Variants in ATR observed in about 807,000 individuals in gnomAD.
ATR encodes the protein serine/threonine-protein kinase ATR.
A neutral mutation model predicts 305.3 loss-of-function variants in ATR; 142 were observed. The observed-to-expected ratio is 0.47, with a 90% CI of 0.41 to 0.53. ATR has a LOEUF of 0.53. Ranked by LOEUF, ATR falls within the 20% of genes least tolerant of loss-of-function variation. The pLI, the probability that ATR is intolerant of heterozygous loss-of-function variation, is 0.00. For missense variants in ATR, 2,135 were observed against 3,133.1 expected, an observed-to-expected ratio of 0.68 and a Z score of 7.60; for synonymous variants, 1,050 against 1,068.1, an observed-to-expected ratio of 0.98 and a Z score of 0.33.
At position 142,519,577 on chromosome 3, in the gene ATR, G is replaced by A. The variant is rs2033053941; in HGVS notation, c.4382+92C>T. On this transcript the variant is annotated intron_variant, in intron 24 of 46. Coordinates refer to ENST00000350721, the MANE Select transcript of ATR (RefSeq NM_001184.4). ...AGCCTCCCAAAGTGCTGGGATTACA[G>A]GCGTGAGCCACTGCACCCGGCCAAA... 3.0e-6 allele frequency: 3 copies of A among 1,007,356 alleles called. No individual in the cohort carries two copies. The South Asian group carries it at 4.2e-5, about 14-fold the overall frequency. The allele number at this position is 1,007,356 out of a possible 1,614,324, so 62.4% of individuals were successfully genotyped here.
At chr3:142,561,513 T>C in intron 4 of ATR, 92 bp from the exon 5 acceptor site, 2 of 1,339,562 alleles carry the variant, frequency 1.5e-6, no homozygotes, top group South Asian at 1.3e-5. Context: ...ATGTTAGGTG[T>C]TTTCTAGTGA....
chr3:142,470,468 C>T (rs1032076661), intron 36 of ATR, among the ~76,000 whole-genome samples: 2 of 152,152 alleles, frequency 1.3e-5, no homozygotes, highest in East Asian at 1.9e-4. Context: ...ATACTTCTTT[C>T]AATTTTTCCT....
intron 46 of ATR, chr3:142,452,363 C>T: frequency 2.0e-6 from 2 of 986,770 alleles, no homozygotes; most frequent in Non-Finnish European, 2.4e-6. Context: ...AATCCTCAAT[C>T]TATTCTAACT....
At chr3:142,550,982 T>C (rs1416362332) in intron 13 of ATR, among the ~76,000 whole-genome samples, 1 of 152,162 alleles carries the variant, frequency 6.6e-6, no homozygotes, top group East Asian at 1.9e-4. Context: ...ACATGGGGTT[T>C]CACCATGCTA....
At chr3:142,497,672 C>G (rs949957903) in intron 32 of ATR, among the ~76,000 whole-genome samples, 3 of 151,752 alleles carry the variant, frequency 2.0e-5, no homozygotes, top group African/African-American at 7.3e-5. Context: ...CCTAATTAAA[C>G]TGGAGAATGA....
chr3:142,547,874 G>A lies in ATR; in HGVS notation c.3208C>T (p.Gln1070Ter), dbSNP rs2108451694. Residue 1070 changes from glutamine to a stop codon, truncating the protein, a stop_gained, in exon 16 of 47, where the codon CAA (glutamine) becomes TAA (stop). Transcript: ENST00000350721. LOFTEE classifies it high-confidence loss of function. ...TEIELGSLLR[Q>*]DFQGLHNELL... ...TCATTATGCAATCCTTGGAAATCTT[G>A]TCTCAACAGGCTCCCCAGTTCAATT... 6.2e-7 allele frequency: 1 copy of A among 1,613,922 alleles called. No individual in the cohort carries two copies. The highest frequency in any genetic ancestry group is 8.5e-7 in the Non-Finnish European group (1 of 1,179,936).
At chr3:142,464,131 A>G (rs1454088593) in intron 41 of ATR, among the ~76,000 whole-genome samples, 2 of 152,112 alleles carry the variant, frequency 1.3e-5, no homozygotes, top group South Asian at 2.1e-4. Flanking sequence ...TTATCTATTT[A>G]TTTATTTATA....
chr3:142,546,738 G>A (rs1173050940), intron 16 of ATR, among the ~76,000 whole-genome samples: 2 of 152,166 alleles, frequency 1.3e-5, no homozygotes, highest in Non-Finnish European at 2.9e-5. Flanking sequence ...TGCCACGCAG[G>A]AAAGAATGGC....
At chr3:142,451,818 G>A (rs1337805940) in intron 46 of ATR, 7 of 1,280,056 alleles carry the variant, frequency 5.5e-6, no homozygotes, top group African/African-American at 1.5e-5. Flanking sequence ...TATAGCTTGA[G>A]TGTGATCCTG....
intron 30 of ATR, among the ~76,000 whole-genome samples, chr3:142,501,165 G>A (rs953760103): frequency 8.1e-4 from 123 of 152,010 alleles, no homozygotes; most frequent in African/African-American, 2.8e-3. Flanking sequence ...GAATATTGAC[G>A]CATGCCTTTT....
intron 1 of ATR, among the ~76,000 whole-genome samples, chr3:142,578,131 A>T (rs951695074): frequency 6.6e-6 from 1 of 152,298 alleles, no homozygotes; most frequent in East Asian, 1.9e-4. Context: ...CAAAGAAAAA[A>T]ACTGCCTTTT....
At chr3:142,561,461 A>G (rs1437025350) in intron 4 of ATR, 40 bp from the exon 5 acceptor site, 1 of 1,546,330 alleles carries the variant, frequency 6.5e-7, no homozygotes, top group Non-Finnish European at 8.8e-7. Flanking sequence ...TATTCCTTAG[A>G]AAATATATTT....
rs71153972 is a variant in ATR, at chr3:142,544,621, C to CAAAAAAA, written c.3358-1871_3358-1865dup. Among the ~76,000 whole-genome samples the CAAAAAAA allele has an allele frequency of 2.3e-3, 195 of 83,578 alleles. 1 individual carries two copies. The highest frequency in any genetic ancestry group is 3.6e-3 in the Non-Finnish European group (147 of 41,202). 54.8% of individuals were successfully genotyped at this position (83,578 alleles called of 152,430 possible). The stretch of plus-strand genomic sequence containing the variant: ...TTTATGTACAGGCAGAAGAAAGGAG[C>CAAAAAAA]AAAAAAAAAAAAAAAAAAAAATGAG... On this transcript the variant is annotated intron_variant, in intron 16 of 46. Coordinates refer to ENST00000350721, the MANE Select transcript of ATR (RefSeq NM_001184.4).
chr3:142,578,082 AG>A (rs2035498489), intron 1 of ATR, among the ~76,000 whole-genome samples: 1 of 152,212 alleles, frequency 6.6e-6, no homozygotes, highest in African/African-American at 2.4e-5. Flanking sequence ...GATCAATACG[AG>A]GGAGGTCACA....
At chr3:142,470,962 C>T (rs2071249502) in intron 36 of ATR, among the ~76,000 whole-genome samples, 1 of 152,130 alleles carries the variant, frequency 6.6e-6, no homozygotes, top group Non-Finnish European at 1.5e-5. Context: ...GCCATCACAA[C>T]CATTTTTAAG....
chr3:142,451,966 G>A, intron 46 of ATR: 1 of 1,119,424 alleles, frequency 8.9e-7, no homozygotes. Context: ...TAACGAAAAG[G>A]AACATGTCCC....
chr3:142,578,621 G>C (rs374415990), intron 1 of ATR, 25 bp downstream of exon 1: 12 of 1,607,928 alleles, frequency 7.5e-6, no homozygotes, highest in Non-Finnish European at 1.0e-5. Context: ...GGAGGATGCA[G>C]GACCCAGGCT....
chr3:142,496,061 G>A (rs373679901), intron 34 of ATR, among the ~76,000 whole-genome samples: 2 of 151,254 alleles, frequency 1.3e-5, no homozygotes, highest in East Asian at 2.0e-4. Context: ...TTAAGAGGTC[G>A]TTTTCCTCAA....
intron 39 of ATR, among the ~76,000 whole-genome samples, chr3:142,466,982 G>A (rs2071145219): frequency 6.6e-6 from 1 of 152,150 alleles, no homozygotes; most frequent in Non-Finnish European, 1.5e-5. Flanking sequence ...TTACAACAGT[G>A]TTAGTGTTTT....
Sources: allele counts gnomAD v4.1 joint callset (sites outside exome capture counted in the v4.1 genomes callset), GRCh38; gene constraint gnomAD v4.1.1; transcripts MANE v1.5; gene names NCBI Gene and HGNC (gene_info 2026-07-23, HGNC 2026-07-21).